The following OGT variants were observed in gnomAD, a reference collection of about 807,000 sequenced individuals.
OGT encodes O-linked N-acetylglucosamine (GlcNAc) transferase, also known as UDP-N-acetylglucosamine--peptide N-acetylglucosaminyltransferase 110 kDa subunit.
In OGT, 3 loss-of-function variants were observed where a neutral mutation model predicts 75.8. The ratio of observed to expected loss-of-function variants is 0.04; its 90% confidence interval spans 0.02 to 0.10. The LOEUF (loss-of-function observed/expected upper bound fraction) is 0.10. OGT is among the 10% of genes least tolerant of loss of function. The pLI, the probability that OGT is intolerant of heterozygous loss-of-function variation, is 1.00. For synonymous variants in OGT, 257 were observed against 289.7 expected (o/e 0.89, Z 1.15); for missense variants, 260 against 824.4 (o/e 0.32, Z 8.38).
chrX:71,534,120 A>G (rs1461917112), intron 1 of OGT, among the ~76,000 whole-genome samples: 1 of 109,547 alleles, frequency 9.1e-6, no homozygotes. Context: ...GGGAGAAACC[A>G]CCCCGATGCT....
intron 3 of OGT, among the ~76,000 whole-genome samples, chrX:71,540,127 G>T (rs749099267): frequency 8.9e-6 from 1 of 112,553 alleles, no homozygotes; most frequent in South Asian, 3.7e-4. Context: ...CTAGTGGAAG[G>T]TGCTGCTTTA....
At chrX:71,562,620 C>T (rs2040392128) in intron 15 of OGT, among the ~76,000 whole-genome samples, 1 of 112,322 alleles carries the variant, frequency 8.9e-6, no homozygotes, top group Non-Finnish European at 1.9e-5. Flanking sequence ...CACTGTATTC[C>T]AGCCTAGGGA....
chrX:71,562,762 A>G, intron 15 of OGT, 85 bp from the exon 16 acceptor site: 1 of 865,034 alleles, frequency 1.2e-6, no homozygotes, highest in Non-Finnish European at 1.6e-6. Context: ...AAAGTTGTAC[A>G]TATTTAATGT....
Position 71,555,990 on chromosome X carries a change from C to T in OGT, c.961C>T (p.Arg321Cys). ...AGAAGATTGTTATAATACAGCTCTC[C>T]GTCTGTGTCCCACCCATGCAGACTC... ...EAEDCYNTAL[R>C]LCPTHADSLN... is the part of the protein sequence containing the mutation. The change falls in exon 8 of 22, where the codon CGT becomes TGT. Residue 321 changes from arginine to cysteine, a missense_variant. Arg to Cys is a radical substitution (Grantham distance 180). Transcript: ENST00000373719. The T allele has an allele frequency of 8.3e-7, 1 of 1,210,664 alleles. No individual in the cohort carries two copies. The highest frequency in any genetic ancestry group is 1.1e-6 in the Non-Finnish European group (1 of 894,729).
At position 71,563,124 on chromosome X, in the gene OGT, C is replaced by T; in HGVS notation, c.2149-6C>T. ...AAGACATGTCTGAAACTATTTTTTC[C>T]ATTAGAAAAAAGCAGTCATCGATTT... is the stretch of plus-strand genomic sequence containing the variant. On this transcript the variant is annotated splice_polypyrimidine_tract_variant and splice_region_variant and intron_variant, in intron 16 of 21. Transcript: ENST00000373719. 1.7e-5 allele frequency: 21 copies of T among 1,201,644 alleles called. No individual in the cohort carries two copies. The highest frequency in any genetic ancestry group is 2.3e-5 in the Non-Finnish European group (20 of 887,554).
chrX:71,565,568 A>G (rs2040411445), intron 19 of OGT, among the ~76,000 whole-genome samples: 1 of 111,863 alleles, frequency 8.9e-6, no homozygotes, highest in African/African-American at 3.2e-5. Context: ...TAGATTTTTC[A>G]GGCATTTTTG....
In OGT at chrX:71,556,700, T is replaced by C. The variant is rs756049225; in HGVS notation, c.1086T>C (p.Ala362=). 8.4e-7 allele frequency: 1 copy of C among 1,194,109 alleles called. No individual in the cohort carries two copies. The highest frequency in any genetic ancestry group is 1.8e-5 in the South Asian group (1 of 54,056). Residue 362 remains alanine, a synonymous_variant, in exon 9 of 22, where the codon GCT becomes GCC. Transcript: ENST00000373719. ...TATAGGTCTTCCCAGAGTTTGCTGC[T>C]GCCCATTCAAATTTAGCAAGTGTAC... ...KALEVFPEFA[A]AHSNLASVLQ... is the part of the protein sequence containing the mutation.
chrX:71,549,323 A>T (rs1464227792), intron 5 of OGT, among the ~76,000 whole-genome samples: 1 of 105,437 alleles, frequency 9.5e-6, no homozygotes, highest in African/African-American at 3.5e-5. Context: ...AAAAAAAAAA[A>T]TTAGGCTAAG....
chrX:71,537,778 T>C, intron 2 of OGT, 51 bp from the exon 3 acceptor site: 1 of 1,195,992 alleles, frequency 8.4e-7, no homozygotes, highest in Non-Finnish European at 1.1e-6. Context: ...GGCCATACCT[T>C]CTTTTCTGTA....
At chrX:71,536,140 C>G in intron 1 of OGT, 38 bp from the exon 2 acceptor site, 1 of 1,119,435 alleles carries the variant, frequency 8.9e-7, no homozygotes, top group Non-Finnish European at 1.2e-6. Flanking sequence ...TTTTTGTTTT[C>G]CCCCCTCCTT....
intron 14 of OGT, among the ~76,000 whole-genome samples, chrX:71,561,496 C>T (rs1462078947): frequency 9.1e-6 from 1 of 109,794 alleles, no homozygotes; most frequent in Non-Finnish European, 1.9e-5. Context: ...ATTTCAAATA[C>T]CAATTTCTCT....
intron 12 of OGT, among the ~76,000 whole-genome samples, chrX:71,558,447 G>T (rs2040358271): frequency 9.3e-6 from 1 of 107,622 alleles, no homozygotes; most frequent in African/African-American, 3.4e-5. Flanking sequence ...TGCAACCTCT[G>T]TCTCCCAGGT....
Position 71,543,734 on chromosome X carries a change from ATGTG to A in OGT, c.463-803_463-800del, listed in dbSNP as rs1156448647. Among the ~76,000 whole-genome samples the A allele has an allele frequency of 7.5e-4, 62 of 82,434 alleles. 1 individual carries two copies. Among genetic ancestry groups the A allele is most frequent in the Middle Eastern group, 5.7e-3 (1 of 176 alleles). 71.6% of individuals were successfully genotyped at this position (82,434 alleles called of 115,157 possible). A position where few individuals can be genotyped will look rare whatever the true frequency, so the allele number is the denominator to read the frequency against. On this transcript the variant is annotated intron_variant, in intron 3 of 21. Coordinates refer to ENST00000373719, the MANE Select transcript of OGT (RefSeq NM_181672.3). ...TAACATAGTTGGACAAATATTTGAG[ATGTG>A]TGTGTGTGTGTGTGTGTGTGTGTGT... is the stretch of plus-strand genomic sequence containing the variant.
intron 5 of OGT, among the ~76,000 whole-genome samples, chrX:71,550,870 G>GAGAGTAGA (rs756012565): frequency 1.9e-3 from 205 of 109,953 alleles, no homozygotes; most frequent in African/African-American, 6.6e-3. Context: ...CATAGAAACA[G>GAGAGTAGA]AGAGTAGAAG....
chrX:71,548,241 G>A (rs921414773), intron 5 of OGT, among the ~76,000 whole-genome samples: 1 of 111,233 alleles, frequency 9.0e-6, no homozygotes, highest in East Asian at 2.8e-4. Flanking sequence ...ATCATACTTC[G>A]AGTACCCATG....
In OGT at chrX:71,562,819, A is replaced by G. The variant is rs35384418; in HGVS notation, c.1978-28A>G. On this transcript the variant is annotated intron_variant, in intron 15 of 21. Transcript: ENST00000373719. ...GGTAAGTGTACTGATAAAAGTTCTT[A>G]ATCAGTTTTTGATCTGATTTTTTTA... 1,796 of 1,151,425 alleles carry G rather than the reference A, an allele frequency of 1.6e-3. 37 individuals are homozygous for G. The East Asian group carries it at 0.05, about 32-fold the overall frequency. The allele number at this position is 1,151,425 out of a possible 1,213,427, so 94.9% of individuals were successfully genotyped here.
At chrX:71,536,024 T>TA (rs2040173217) in intron 1 of OGT, among the ~76,000 whole-genome samples, 154 bp from the exon 2 acceptor site, 1 of 112,466 alleles carries the variant, frequency 8.9e-6, no homozygotes, top group South Asian at 3.6e-4. Flanking sequence ...AACTTGAAGA[T>TA]ATACATAACG....
At position 71,564,631 on chromosome X, in the gene OGT, G is replaced by A; in HGVS notation, c.2467G>A (p.Val823Ile). The A allele has an allele frequency of 8.3e-7, 1 of 1,203,583 alleles. No individual in the cohort carries two copies. The highest frequency in any genetic ancestry group is 1.1e-6 in the Non-Finnish European group (1 of 889,393). ...INNKAATGEE[V>I]PRTIIVTTRS... ...CAATAAGGCTGCAACTGGAGAGGAG[G>A]TTCCCCGTACCATTATTGTAACCAC... Residue 823 changes from valine (V) to isoleucine (I), a missense_variant, in exon 19 of 22, where the codon GTT (valine) becomes ATT (isoleucine). Transcript: ENST00000373719.
intron 12 of OGT, 72 bp from the exon 13 acceptor site, chrX:71,559,195 G>A (rs2040365770): frequency 1.0e-6 from 1 of 999,777 alleles, no homozygotes; most frequent in Non-Finnish European, 1.4e-6. Flanking sequence ...TAGGTTTGGT[G>A]TGTTTTTCGT....
Sources: gnomAD v4.1 joint callset for allele counts (sites outside exome capture counted in the v4.1 genomes callset) on GRCh38, gnomAD v4.1.1 for gene constraint, MANE v1.5 for transcripts, NCBI Gene and HGNC (gene_info 2026-07-23, HGNC 2026-07-21) for gene names.